Variants in TRAPPC9 observed in about 807,000 individuals in gnomAD.
TRAPPC9 encodes IKK2 binding protein.
TRAPPC9 carries 83 observed loss-of-function variants against 124.0 expected under a neutral mutation model. That is an observed-to-expected ratio of 0.67 (90% CI 0.56 to 0.80). The LOEUF (loss-of-function observed/expected upper bound fraction) is 0.80, where lower values mean the gene tolerates loss of function less well. TRAPPC9 is among the 30% of genes least tolerant of loss of function. The probability of loss-of-function intolerance (pLI) is 0.00; values close to 1 mark genes in which losing one functional copy is unlikely to be tolerated. For synonymous variants in TRAPPC9, 638 were observed against 617.5 expected, an observed-to-expected ratio of 1.03 and a Z score of -0.49; for missense variants, 1,302 against 1,508.3, an observed-to-expected ratio of 0.86 and a Z score of 2.27.
intron 17 of TRAPPC9, among the ~76,000 whole-genome samples, chr8:140,125,831 GA>G (rs1179490911): frequency 1.3e-5 from 2 of 152,024 alleles, no homozygotes; most frequent in Non-Finnish European, 2.9e-5. Context: ...ATGTTTGAGA[GA>G]AACAACGATT....
intron 9 of TRAPPC9, among the ~76,000 whole-genome samples, chr8:140,352,463 T>C (rs565836918): frequency 6.6e-6 from 1 of 152,342 alleles, no homozygotes; most frequent in East Asian, 1.9e-4. Flanking sequence ...TGGGATTCTG[T>C]GCTACTTCCG....
chr8:139,863,894 T>C (rs1208040125), intron 21 of TRAPPC9, among the ~76,000 whole-genome samples: 1 of 151,936 alleles, frequency 6.6e-6, no homozygotes, highest in Non-Finnish European at 1.5e-5. Context: ...GAAAACAGAG[T>C]GCAGGTCTGA....
Position 140,450,846 on chromosome 8 carries a change from G to C in TRAPPC9, c.528C>G (p.Pro176=). The change falls in exon 2 of 23, where the codon CCC becomes CCG. Residue 176 remains proline, a synonymous_variant. Transcript: ENST00000438773. ...TTTTCTCAAACGGGACACAGAGAAGGGGGATCTTATCCCCAGACTTGTCTG... is the reference window on the plus strand; with the variant it reads ...TTTTCTCAAACGGGACACAGAGAAGCGGGATCTTATCCCCAGACTTGTCTG... ...RATDKSGDKI[P]LLCVPFEKKD... The C allele has an allele frequency of 1.2e-6, 2 of 1,613,690 alleles. No homozygotes were observed. Among genetic ancestry groups the C allele is most frequent in the Non-Finnish European group, 1.7e-6 (2 of 1,179,894 alleles).
intron 1 of TRAPPC9, among the ~76,000 whole-genome samples, chr8:140,452,426 A>T (rs2071498978): frequency 6.6e-6 from 1 of 150,640 alleles, no homozygotes; most frequent in Admixed American, 6.6e-5. Flanking sequence ...TCTCAAAAAA[A>T]AAAAAAAAAA....
intron 17 of TRAPPC9, among the ~76,000 whole-genome samples, chr8:140,122,806 G>A (rs947938963): frequency 6.6e-6 from 1 of 152,140 alleles, no homozygotes; most frequent in Non-Finnish European, 1.5e-5. Context: ...CAGCCATGAG[G>A]CTCAGGAAGC....
At chr8:140,221,297 C>A (rs190032327) in intron 17 of TRAPPC9, among the ~76,000 whole-genome samples, 162 bp downstream of exon 17, 1 of 152,206 alleles carries the variant, frequency 6.6e-6, no homozygotes, top group Non-Finnish European at 1.5e-5. Flanking sequence ...TTCACTGTGA[C>A]GGCTTTCCAA....
chr8:140,011,367 G>A (rs1839105847), intron 18 of TRAPPC9, among the ~76,000 whole-genome samples: 1 of 150,958 alleles, frequency 6.6e-6, no homozygotes. Flanking sequence ...AAAAATAATA[G>A]TAACAATATT....
intron 21 of TRAPPC9, among the ~76,000 whole-genome samples, chr8:139,858,568 A>G (rs556589967): frequency 6.6e-6 from 1 of 152,298 alleles, no homozygotes; most frequent in East Asian, 1.9e-4. Context: ...GTGTGTATAC[A>G]TAGGGGACAG....
chr8:139,786,205 C>T (rs988941742), intron 21 of TRAPPC9, among the ~76,000 whole-genome samples: 1 of 152,104 alleles, frequency 6.6e-6, no homozygotes, highest in Non-Finnish European at 1.5e-5. Context: ...GAGACTCTGT[C>T]TCAAACAAAC....
chr8:140,298,655 GA>G (rs71520270), intron 11 of TRAPPC9, among the ~76,000 whole-genome samples: 1 of 148,786 alleles, frequency 6.7e-6, no homozygotes, highest in African/African-American at 2.5e-5. Flanking sequence ...CTGTCTCAAA[GA>G]AAAAAAAAAG....
chr8:139,792,540 C>T (rs1822770577), intron 21 of TRAPPC9, among the ~76,000 whole-genome samples: 1 of 152,176 alleles, frequency 6.6e-6, no homozygotes, highest in African/African-American at 2.4e-5. Context: ...AACTTGGTGG[C>T]AGACGCCTGG....
intron 17 of TRAPPC9, among the ~76,000 whole-genome samples, chr8:140,071,065 C>T (rs1022772786): frequency 7.2e-5 from 11 of 152,240 alleles, no homozygotes; most frequent in Non-Finnish European, 1.3e-4. Context: ...ATTATCTCAC[C>T]TAATCCTCAC....
At chr8:140,233,394 C>T (rs1379001379) in intron 16 of TRAPPC9, among the ~76,000 whole-genome samples, 2 of 151,910 alleles carry the variant, frequency 1.3e-5, no homozygotes, top group East Asian at 1.9e-4. Flanking sequence ...TTAGTAGAGA[C>T]GGGGTTTCAC....
At chr8:140,436,645 G>A (rs2070824810) in intron 3 of TRAPPC9, among the ~76,000 whole-genome samples, 1 of 152,122 alleles carries the variant, frequency 6.6e-6, no homozygotes, top group Admixed American at 6.6e-5. Context: ...GTGCCCTTTA[G>A]GAGCCCTCCT....
At chr8:140,426,405 C>T (rs951172937) in intron 5 of TRAPPC9, among the ~76,000 whole-genome samples, 2 of 152,188 alleles carry the variant, frequency 1.3e-5, no homozygotes, top group Non-Finnish European at 2.9e-5. Flanking sequence ...AAGAAGCCTC[C>T]TCTTCAACAG....
chr8:139,856,264 AC>A (rs1386892242), intron 21 of TRAPPC9, among the ~76,000 whole-genome samples: 4 of 151,972 alleles, frequency 2.6e-5, no homozygotes. Flanking sequence ...CAGGTTGGGG[AC>A]TGAATTTCAG....
chr8:140,342,230 C>G (rs534625769), intron 9 of TRAPPC9, among the ~76,000 whole-genome samples: 2 of 152,292 alleles, frequency 1.3e-5, no homozygotes, highest in Non-Finnish European at 2.9e-5. Flanking sequence ...CAAGATCCTT[C>G]GTGACATTGC....
At chr8:140,315,351 C>T (rs370388780) in intron 9 of TRAPPC9, among the ~76,000 whole-genome samples, 9 of 150,300 alleles carry the variant, frequency 6.0e-5, no homozygotes, top group African/African-American at 2.2e-4. Context: ...TGATGCAAGA[C>T]CAGCATATGA....
chr8:140,030,548 G>A (rs1257153179), intron 17 of TRAPPC9, among the ~76,000 whole-genome samples: 1 of 152,140 alleles, frequency 6.6e-6, no homozygotes, highest in Admixed American at 6.5e-5. Flanking sequence ...CAAAAACATG[G>A]ATGTAAATGT....
Sources: allele counts gnomAD v4.1 joint callset (sites outside exome capture counted in the v4.1 genomes callset), GRCh38; gene constraint gnomAD v4.1.1; transcripts MANE v1.5; gene names NCBI Gene and HGNC (gene_info 2026-07-23, HGNC 2026-07-21).